The following TOPBP1 variants were observed in gnomAD, a reference collection of about 807,000 sequenced individuals.
TOPBP1 encodes DNA topoisomerase 2-binding protein 1.
TOPBP1 carries 28 observed loss-of-function variants against 167.7 expected under a neutral mutation model. The observed-to-expected ratio is 0.17, with a 90% CI of 0.12 to 0.23. The LOEUF (loss-of-function observed/expected upper bound fraction) is 0.23, where lower values mean the gene tolerates loss of function less well. Among genes scored for constraint, TOPBP1 ranks in the 10% least tolerant of loss-of-function variants. The pLI, the probability that TOPBP1 is intolerant of heterozygous loss-of-function variation, is 1.00. For synonymous variants in TOPBP1, 598 were observed against 611.4 expected, an observed-to-expected ratio of 0.98 and a Z score of 0.32; for missense variants, 1,554 against 1,809.6, an observed-to-expected ratio of 0.86 and a Z score of 2.56.
At chr3:133,647,035 C>T (rs116260450) in intron 10 of TOPBP1, among the ~76,000 whole-genome samples, 2,474 of 152,246 alleles carry the variant, frequency 0.016, 26 homozygotes, top group Middle Eastern at 0.031. Flanking sequence ...GGAGCCAATC[C>T]TTTGGTTTCA....
intron 8 of TOPBP1, among the ~76,000 whole-genome samples, 173 bp downstream of exon 8, chr3:133,652,290 G>A (rs932028968): frequency 6.6e-6 from 1 of 152,186 alleles, no homozygotes; most frequent in African/African-American, 2.4e-5. Context: ...TGCAGGCAGA[G>A]GGACTCTCGC....
chr3:133,647,440 C>T (rs1383519810), intron 10 of TOPBP1, among the ~76,000 whole-genome samples: 1 of 152,124 alleles, frequency 6.6e-6, no homozygotes, highest in East Asian at 1.9e-4. Flanking sequence ...TACAAGTTCA[C>T]AATAAAAATC....
At chr3:133,634,321 C>A (rs187263075) in intron 14 of TOPBP1, among the ~76,000 whole-genome samples, 7 of 152,260 alleles carry the variant, frequency 4.6e-5, no homozygotes, top group Admixed American at 2.0e-4. Flanking sequence ...TCAGCCTGGC[C>A]AACATGGCAA....
intron 11 of TOPBP1, 93 bp from the exon 12 acceptor site, chr3:133,643,465 A>G (rs6784120): frequency 0.015 from 16,745 of 1,116,114 alleles, 275 homozygotes; most frequent in African/African-American, 0.073. Context: ...TTTAGTTTTG[A>G]TAAGAAGAAA....
intron 19 of TOPBP1, among the ~76,000 whole-genome samples, chr3:133,620,959 T>C (rs1333087296): frequency 6.6e-6 from 1 of 152,142 alleles, no homozygotes; most frequent in Admixed American, 6.6e-5. Context: ...TGGTATGTAC[T>C]ACACTCTGAG....
At position 133,655,375 on chromosome 3, in the gene TOPBP1, C is replaced by T. The variant is rs752540522; in HGVS notation, c.657G>A (p.Gln219=). The T allele has an allele frequency of 2.3e-5, 37 of 1,608,606 alleles. No homozygotes were observed. Among genetic ancestry groups the T allele is most frequent in the Non-Finnish European group, 2.9e-5 (34 of 1,177,548 alleles). The part of the protein sequence containing the change: ...GLCGLDRKEV[Q]QLTVKHGGQY... Reference sequence around the variant, plus strand: ...GACCTCCATGCTTAACTGTGAGTTGCTGAACTTCTTTCCTGTCTAAGCCAC... The same window carrying T: ...GACCTCCATGCTTAACTGTGAGTTGTTGAACTTCTTTCCTGTCTAAGCCAC... The change falls in exon 6 of 28, where the codon CAG becomes CAA. Residue 219 remains glutamine (Q), a synonymous_variant. Coordinates refer to ENST00000260810, the MANE Select transcript of TOPBP1 (RefSeq NM_007027.4).
chr3:133,620,162 C>T lies in TOPBP1; in HGVS notation c.3364G>A (p.Ala1122Thr), dbSNP rs776516481. Residue 1122 changes from alanine to threonine, a missense_variant, in exon 20 of 28, where the codon GCA (alanine) becomes ACA (threonine). By Grantham distance (58) the Ala-to-Thr change is moderately conservative. Coordinates refer to ENST00000260810, the MANE Select transcript of TOPBP1 (RefSeq NM_007027.4). ...ARSGRSRVLE[A>T]LRQSRQTVPD... ...TCAGTGACAGGTACACACCTCAGTG[C>T]CTCTAGGACTCTACTTCGTCCACTG... 1.2e-5 allele frequency: 20 copies of T among 1,612,006 alleles called. No homozygotes were observed. In the South Asian group the frequency reaches 2.1e-4, roughly 17 times the overall value.
chr3:133,639,623 G>C (rs903766439), intron 13 of TOPBP1, among the ~76,000 whole-genome samples: 1 of 152,066 alleles, frequency 6.6e-6, no homozygotes, highest in Non-Finnish European at 1.5e-5. Context: ...AAAATGAAAG[G>C]CTTCCCAGGG....
At chr3:133,658,052 A>G in intron 3 of TOPBP1, 111 bp from the exon 4 acceptor site, 2 of 798,104 alleles carry the variant, frequency 2.5e-6, no homozygotes, top group Non-Finnish European at 3.6e-6. Context: ...TGACCACTGT[A>G]GAGAAATCAG....
intron 20 of TOPBP1, 143 bp from the exon 21 acceptor site, chr3:133,618,576 A>G: frequency 1.6e-6 from 1 of 641,800 alleles, no homozygotes; most frequent in East Asian, 2.8e-5. Flanking sequence ...TATTAAATAA[A>G]TGAACCTAGG....
intron 14 of TOPBP1, among the ~76,000 whole-genome samples, chr3:133,633,623 A>G (rs933244048): frequency 6.6e-6 from 1 of 152,130 alleles, no homozygotes; most frequent in Admixed American, 6.5e-5. Flanking sequence ...AGATCCCCGT[A>G]TCTACAAAAA....
chr3:133,640,947 A>G (rs964405155), intron 12 of TOPBP1, among the ~76,000 whole-genome samples: 2 of 152,246 alleles, frequency 1.3e-5, no homozygotes, highest in East Asian at 3.8e-4. Context: ...TATTAAACAC[A>G]GAGAATACGG....
chr3:133,609,737 T>C (rs1037438210), intron 25 of TOPBP1, among the ~76,000 whole-genome samples: 2 of 152,210 alleles, frequency 1.3e-5, no homozygotes, highest in Non-Finnish European at 2.9e-5. Flanking sequence ...GACTGTAAGC[T>C]TCCTGAGGCC....
intron 27 of TOPBP1, among the ~76,000 whole-genome samples, chr3:133,607,186 G>A (rs999645016): frequency 6.6e-6 from 1 of 152,060 alleles, no homozygotes; most frequent in Non-Finnish European, 1.5e-5. Flanking sequence ...TTCAGATTTT[G>A]GAATATTTAT....
chr3:133,625,490 T>C (rs1935238523), intron 16 of TOPBP1, among the ~76,000 whole-genome samples: 2 of 152,136 alleles, frequency 1.3e-5, no homozygotes, highest in Non-Finnish European at 1.5e-5. Flanking sequence ...TCCAGTACTT[T>C]GGGAGGCCAA....
chr3:133,608,755 A>G (rs572525159), intron 26 of TOPBP1, 59 bp from the exon 27 acceptor site: 2 of 1,594,796 alleles, frequency 1.3e-6, no homozygotes, highest in South Asian at 2.3e-5. Flanking sequence ...GTTCAGCTGT[A>G]TAATGTGTAC....
chr3:133,616,995 G>A, intron 22 of TOPBP1, 70 bp from the exon 23 acceptor site: 1 of 1,238,714 alleles, frequency 8.1e-7, no homozygotes, highest in South Asian at 1.7e-5. Context: ...CTTTTATAGT[G>A]GTATTTTACT....
Position 133,623,437 on chromosome 3 carries a change from A to G in TOPBP1, c.2949T>C (p.His983=). 6.2e-7 allele frequency: 1 copy of G among 1,611,948 alleles called. No homozygotes were observed. Among genetic ancestry groups the G allele is most frequent in the Non-Finnish European group, 8.5e-7 (1 of 1,178,906 alleles). Residue 983 remains histidine (H), a synonymous_variant, in exon 18 of 28, where the codon CAT becomes CAC. Coordinates refer to ENST00000260810, the MANE Select transcript of TOPBP1 (RefSeq NM_007027.4). Reference sequence around the variant, plus strand: ...TATGTGGATAAAGAGATTCAGGAAGATGTTTACACTCTTGGGCACACTGCA... The same window carrying G: ...TATGTGGATAAAGAGATTCAGGAAGGTGTTTACACTCTTGGGCACACTGCA... ...WLLDCAQECK[H]LPESLYPHTY...
At chr3:133,637,242 A>G (rs1442499700) in intron 14 of TOPBP1, among the ~76,000 whole-genome samples, 2 of 152,208 alleles carry the variant, frequency 1.3e-5, no homozygotes, top group Non-Finnish European at 2.9e-5. Flanking sequence ...AGAGGTCAAA[A>G]GCTACTAAAG....
Sources: allele counts gnomAD v4.1 joint callset (sites outside exome capture counted in the v4.1 genomes callset), GRCh38; gene constraint gnomAD v4.1.1; transcripts MANE v1.5; gene names NCBI Gene and HGNC (gene_info 2026-07-23, HGNC 2026-07-21).